Variants in OXSR1 observed in about 807,000 individuals in gnomAD.
The protein encoded by OXSR1 is oxidative stress responsive kinase 1, also known as serine/threonine-protein kinase OSR1.
Under a neutral mutation model 79.8 loss-of-function variants are expected in OXSR1, and 24 were observed. The observed-to-expected ratio is 0.30, with a 90% CI of 0.22 to 0.42. The LOEUF is 0.42. OXSR1 is among the 10% of genes least tolerant of loss of function. The pLI is 1.00. For missense variants in OXSR1, 430 were observed against 618.4 expected, an observed-to-expected ratio of 0.70 and a Z score of 3.23; for synonymous variants, 226 against 209.2, an observed-to-expected ratio of 1.08 and a Z score of -0.69.
At chr3:38,223,504 A>G (rs916423243) in intron 6 of OXSR1, among the ~76,000 whole-genome samples, 2 of 148,900 alleles carry the variant, frequency 1.3e-5, no homozygotes, top group Non-Finnish European at 3.0e-5. Context: ...GTGCAATGGC[A>G]TGATCTCAGT....
chr3:38,205,143 C>T (rs139332153), intron 4 of OXSR1, among the ~76,000 whole-genome samples: 1 of 151,458 alleles, frequency 6.6e-6, no homozygotes, highest in Non-Finnish European at 1.5e-5. Context: ...TGCCCTGCAG[C>T]TACTTCTGGG....
chr3:38,224,869 G>A, intron 8 of OXSR1, 165 bp downstream of exon 8: 1 of 515,404 alleles, frequency 1.9e-6, no homozygotes, highest in Non-Finnish European at 3.4e-6. Flanking sequence ...ATTGATTTCT[G>A]CCTTCTTTGT....
chr3:38,247,401 A>G (rs34298679), intron 13 of OXSR1, among the ~76,000 whole-genome samples: 16 of 152,264 alleles, frequency 1.1e-4, no homozygotes, highest in African/African-American at 3.6e-4. Flanking sequence ...TCAGAAATAT[A>G]AAATGTAAAT....
intron 16 of OXSR1, 45 bp downstream of exon 16, chr3:38,251,516 G>A (rs770225955): frequency 1.4e-6 from 2 of 1,425,920 alleles, no homozygotes; most frequent in Non-Finnish European, 2.0e-6. Context: ...GTCTCTGTCT[G>A]TATACTTAGT....
chr3:38,199,704 T>G (rs759042295), intron 4 of OXSR1, among the ~76,000 whole-genome samples: 3 of 152,174 alleles, frequency 2.0e-5, no homozygotes, highest in Non-Finnish European at 2.9e-5. Flanking sequence ...GCTTTTCTAG[T>G]CTGATTTTTT....
At chr3:38,223,735 C>A in intron 6 of OXSR1, 77 bp from the exon 7 acceptor site, 2 of 979,586 alleles carry the variant, frequency 2.0e-6, no homozygotes, top group African/African-American at 1.6e-5. Context: ...CAGGTGTGAG[C>A]CTCCACCCTG....
chr3:38,223,692 C>A (rs951098211), intron 6 of OXSR1, 120 bp from the exon 7 acceptor site: 1 of 550,080 alleles, frequency 1.8e-6, no homozygotes, highest in Non-Finnish European at 3.2e-6. Context: ...TCAGGTGATT[C>A]GCCTGCCTCA....
intron 10 of OXSR1, among the ~76,000 whole-genome samples, chr3:38,233,056 G>C (rs570318782): frequency 6.6e-6 from 1 of 152,106 alleles, no homozygotes; most frequent in Non-Finnish European, 1.5e-5. Flanking sequence ...TTAAGATAGA[G>C]TTAGACTCTG....
At chr3:38,188,697 T>G (rs1701928075) in intron 2 of OXSR1, among the ~76,000 whole-genome samples, 1 of 152,170 alleles carries the variant, frequency 6.6e-6, no homozygotes, top group African/African-American at 2.4e-5. Flanking sequence ...TCAAAGTCCT[T>G]TATGATCTAG....
chr3:38,182,855 C>T (rs1416461883), intron 1 of OXSR1, 148 bp from the exon 2 acceptor site: 2 of 455,526 alleles, frequency 4.4e-6, no homozygotes, highest in African/African-American at 4.1e-5. Context: ...TTTGTTTTAA[C>T]TGACACTCTT....
intron 3 of OXSR1, among the ~76,000 whole-genome samples, chr3:38,194,877 T>A (rs1702046010): frequency 6.6e-6 from 1 of 152,218 alleles, no homozygotes; most frequent in Admixed American, 6.5e-5. Flanking sequence ...CAGTTTTGAT[T>A]TAGGAACGTT....
intron 1 of OXSR1, among the ~76,000 whole-genome samples, chr3:38,167,040 A>G (rs1177469062): frequency 1.3e-5 from 2 of 152,106 alleles, no homozygotes; most frequent in African/African-American, 2.4e-5. Context: ...GAAGAGCTTG[A>G]TTTGTTTTAG....
chr3:38,180,869 G>C (rs753752579), intron 1 of OXSR1, among the ~76,000 whole-genome samples: 6 of 151,954 alleles, frequency 3.9e-5, no homozygotes, highest in Non-Finnish European at 5.9e-5. Flanking sequence ...CATCTCCTCT[G>C]ACTGACCCTC....
intron 10 of OXSR1, among the ~76,000 whole-genome samples, chr3:38,233,144 T>A (rs778090745): frequency 1.4e-4 from 21 of 152,326 alleles, no homozygotes; most frequent in Non-Finnish European, 2.4e-4. Flanking sequence ...AAATGGTCTC[T>A]GAACTGAAGG....
chr3:38,229,684 T>C lies in OXSR1; in HGVS notation c.837-3T>C. The C allele has an allele frequency of 6.2e-7, 1 of 1,611,064 alleles. No individual in the cohort carries two copies. Among genetic ancestry groups the C allele is most frequent in the Non-Finnish European group, 8.5e-7 (1 of 1,178,112 alleles). ...CTTTTCTTCCCTCCCTTCCTGGTTT[T>C]AGACCAACAGCAGCAGAACTATTAA... On this transcript the variant is annotated splice_region_variant and splice_polypyrimidine_tract_variant and intron_variant, in intron 8 of 17. Transcript: ENST00000311806.
At chr3:38,182,290 G>A (rs985992615) in intron 1 of OXSR1, among the ~76,000 whole-genome samples, 2 of 152,168 alleles carry the variant, frequency 1.3e-5, no homozygotes, top group Non-Finnish European at 2.9e-5. Flanking sequence ...CCGCACGTGT[G>A]GGGTAGACAC....
Position 38,252,323 on chromosome 3 carries a change from T to C in OXSR1, c.1445-5T>C. The C allele has an allele frequency of 6.3e-7, 1 of 1,598,140 alleles. No homozygotes were observed. The highest frequency in any genetic ancestry group is 8.6e-7 in the Non-Finnish European group (1 of 1,165,510). Reference sequence around the variant, plus strand: ...TCATTACCTTCTCTGTTTGTATGATTACAGTGGCAGCTAATTTGCAGAAAA... The same window carrying C: ...TCATTACCTTCTCTGTTTGTATGATCACAGTGGCAGCTAATTTGCAGAAAA... On this transcript the variant is annotated splice_polypyrimidine_tract_variant and splice_region_variant and intron_variant, in intron 16 of 17. Coordinates refer to ENST00000311806, the MANE Select transcript of OXSR1 (RefSeq NM_005109.3).
At chr3:38,232,771 A>C (rs1702837606) in intron 10 of OXSR1, among the ~76,000 whole-genome samples, 1 of 152,120 alleles carries the variant, frequency 6.6e-6, no homozygotes, top group South Asian at 2.1e-4. Flanking sequence ...AAACGAAAAG[A>C]AAAAAGAGAA....
At chr3:38,170,281 G>C (rs1701552772) in intron 1 of OXSR1, among the ~76,000 whole-genome samples, 2 of 151,890 alleles carry the variant, frequency 1.3e-5, no homozygotes, top group African/African-American at 4.8e-5. Context: ...CCTTACCTCA[G>C]ATGATCTGCC....
Sources: gnomAD v4.1 joint callset for allele counts (sites outside exome capture counted in the v4.1 genomes callset) on GRCh38, gnomAD v4.1.1 for gene constraint, MANE v1.5 for transcripts, NCBI Gene and HGNC (gene_info 2026-07-23, HGNC 2026-07-21) for gene names.